PSMG2: variants seen among roughly 807,000 people sequenced by gnomAD.
PSMG2 encodes the protein proteasome assembly chaperone 2.
In PSMG2, 21 loss-of-function variants were observed where a neutral mutation model predicts 31.5. The ratio of observed to expected loss-of-function variants is 0.67; its 90% CI spans 0.47 to 0.96. The LOEUF (loss-of-function observed/expected upper bound fraction) is 0.96, where lower values mean the gene tolerates loss of function less well. PSMG2 is among the 40% of genes least tolerant of loss of function. The probability of loss-of-function intolerance (pLI) is 0.00; values close to 1 mark genes in which losing one functional copy is unlikely to be tolerated. For synonymous variants in PSMG2, 120 were observed against 110.4 expected, an observed-to-expected ratio of 1.09 and a Z score of -0.54; for missense variants, 318 against 321.2, an observed-to-expected ratio of 0.99 and a Z score of 0.08.
At chr18:12,667,281 C>A (rs567849945) in intron 1 of PSMG2, among the ~76,000 whole-genome samples, 4 of 152,018 alleles carry the variant, frequency 2.6e-5, no homozygotes, top group Non-Finnish European at 5.9e-5. Flanking sequence ...TGAGTGAGAC[C>A]TTGTCTCTAC....
At chr18:12,690,806 G>A (rs2039727557) in intron 1 of PSMG2, among the ~76,000 whole-genome samples, 1 of 152,062 alleles carries the variant, frequency 6.6e-6, no homozygotes, top group South Asian at 2.1e-4. Flanking sequence ...AATGGGTTTA[G>A]GACTCAGGAA....
chr18:12,700,910 T>G, upstream of PSMG2: 3 of 1,432,858 alleles, frequency 2.1e-6, no homozygotes, highest in Non-Finnish European at 1.9e-6. Flanking sequence ...TGTTACGCAT[T>G]AGTATATACA....
Position 12,725,506 on chromosome 18 carries a change from G to A in PSMG2, c.770G>A (p.Ser257Asn). Reference sequence around the variant, plus strand: ...AGTTCTTGGAGATTACTCTTTGGCAGTGGTCTTCCCCCTGCACTTTTCTGA... The same window carrying A: ...AGTTCTTGGAGATTACTCTTTGGCAATGGTCTTCCCCCTGCACTTTTCTGA... ...IPSSWRLLFG[S>N]GLPPALF Residue 257 changes from serine (S) to asparagine (N), a missense_variant, in exon 7 of 7, where the codon AGT becomes AAT. Physicochemically the swap from Ser to Asn is conservative, Grantham distance 46. Coordinates refer to ENST00000317615, the MANE Select transcript of PSMG2 (RefSeq NM_020232.5). 6.2e-7 allele frequency: 1 copy of A among 1,602,894 alleles called. No homozygotes were observed. Among genetic ancestry groups the A allele is most frequent in the Middle Eastern group, 1.7e-4 (1 of 6,042 alleles).
Position 12,720,571 on chromosome 18 carries a change from A to G in PSMG2, c.469A>G (p.Ser157Gly). The G allele has an allele frequency of 6.2e-7, 1 of 1,613,240 alleles. No homozygotes were observed. Among genetic ancestry groups the G allele is most frequent in the Non-Finnish European group, 8.5e-7 (1 of 1,179,592 alleles). Residue 157 changes from serine (S) to glycine (G), a missense_variant, in exon 5 of 7, where the codon AGC (serine) becomes GGC (glycine). Transcript: ENST00000317615. ...AAAAAGTGTTCAAAATAAAATAAAG[A>G]GCCTTAACTGGGAAGAAATGGAAAA... ...MQKSVQNKIKSLNWEEMEKSR... is the reference protein window; with the variant it reads ...MQKSVQNKIKGLNWEEMEKSR...
chr18:12,707,202 A>C (rs755513626), intron 2 of PSMG2, among the ~76,000 whole-genome samples: 1 of 152,026 alleles, frequency 6.6e-6, no homozygotes, highest in Non-Finnish European at 1.5e-5. Context: ...TCGTGATCCA[A>C]CCGCCTCAGC....
rs190814826 is a variant in PSMG2, at chr18:12,720,365, A to C, written c.408-145A>C. 23 of 633,234 alleles carry C rather than the reference A, an allele frequency of 3.6e-5. No homozygotes were observed. The Admixed American group carries it at 7.6e-4, about 21-fold the overall frequency. The allele number at this position is 633,234 out of a possible 1,614,324, so 39.2% of individuals were successfully genotyped here. A position where few individuals can be genotyped will look rare whatever the true frequency, so the allele number is the denominator to read the frequency against. On this transcript the variant is annotated intron_variant, in intron 4 of 6. Transcript: ENST00000317615. ...CTCCTAAGTAAGTAAGTAAGTAGCA[A>C]ATCAGAGCAATATTTTTTACTTAAG...
chr18:12,702,734 C>G, upstream of PSMG2: 1 of 630,394 alleles, frequency 1.6e-6, no homozygotes, highest in East Asian at 3.1e-5. Context: ...GAGGCCCCGG[C>G]GGCGGCGGCG....
intron 1 of PSMG2, chr18:12,685,960 A>T: frequency 5.0e-6 from 1 of 201,662 alleles, no homozygotes; most frequent in Non-Finnish European, 1.0e-5. Context: ...TATATAACCT[A>T]AGCACATCCT....
rs1386989474 is a variant in PSMG2, at chr18:12,675,421, T to TA, written c.-37+16654dup. Among the ~76,000 whole-genome samples the TA allele has an allele frequency of 2.0e-5, 3 of 151,736 alleles. No individual in the cohort carries two copies. In the East Asian group the frequency reaches 5.8e-4, roughly 29 times the overall value. On this transcript the variant is annotated intron_variant, in intron 1 of 6. Transcript: ENST00000585331. ...AAAAAAAATAAATAAATAAAATAAA[T>TA]AAAAAAGAGTTTAGTAAGAATGAAT...
chr18:12,702,652 G>T (rs1598674227), upstream of PSMG2: 8 of 1,326,628 alleles, frequency 6.0e-6, no homozygotes, highest in Admixed American at 1.9e-4. Context: ...AGCACAAAGC[G>T]CCGCAGCCGT....
intron 2 of PSMG2, among the ~76,000 whole-genome samples, chr18:12,712,487 G>A (rs2040340925): frequency 6.6e-6 from 1 of 152,138 alleles, no homozygotes; most frequent in Non-Finnish European, 1.5e-5. Flanking sequence ...TAACTTTTCA[G>A]AAATGAATCT....
At chr18:12,660,299 C>CTA (rs2038669205) in intron 1 of PSMG2, among the ~76,000 whole-genome samples, 1 of 149,506 alleles carries the variant, frequency 6.7e-6, no homozygotes, top group African/African-American at 2.5e-5. Flanking sequence ...AGTCATCCCT[C>CTA]TAATCAATGG....
intron 1 of PSMG2, among the ~76,000 whole-genome samples, chr18:12,696,596 ATTC>A (rs1178393050): frequency 1.3e-5 from 2 of 152,160 alleles, no homozygotes; most frequent in Non-Finnish European, 2.9e-5. Context: ...AACCAAAGTA[ATTC>A]CATTATATGT....
chr18:12,698,895 AC>A (rs1375088463), upstream of PSMG2: 5 of 985,360 alleles, frequency 5.1e-6, no homozygotes, highest in Non-Finnish European at 7.5e-6. Flanking sequence ...ATCTCTCCTT[AC>A]AGAAAAAGTC....
At chr18:12,660,607 C>T (rs1476937455) in intron 1 of PSMG2, among the ~76,000 whole-genome samples, 1 of 152,118 alleles carries the variant, frequency 6.6e-6, no homozygotes, top group African/African-American at 2.4e-5. Context: ...AGGTGTGAGC[C>T]ACTGTGCCCG....
chr18:12,700,883 C>T, upstream of PSMG2: 4 of 1,249,380 alleles, frequency 3.2e-6, no homozygotes, highest in Non-Finnish European at 4.5e-6. Flanking sequence ...GGCCCCACAT[C>T]GGAACCTTAT....
chr18:12,707,386 G>A (rs751337953), intron 2 of PSMG2, among the ~76,000 whole-genome samples: 19 of 152,040 alleles, frequency 1.2e-4, no homozygotes, highest in Non-Finnish European at 1.8e-4. Context: ...ATGGAAAGGC[G>A]AAAAGTAGAT....
rs1438754133 is a variant in PSMG2 at position 12,667,776 on chromosome 18, AAG to A, written c.-37+9005_-37+9006del. Among the ~76,000 whole-genome samples the A allele has an allele frequency of 8.7e-5, 13 of 149,884 alleles. No homozygotes were observed. In the East Asian group the frequency reaches 2.3e-3, roughly 27 times the overall value. ...ACTCTTTCTCAAAAAAAAAAAAAAA[AAG>A]AAAAGAAAAGAAAATATAATATTCA... On this transcript the variant is annotated intron_variant, in intron 1 of 6. Transcript: ENST00000585331.
At chr18:12,692,766 T>G (rs1463266327) in intron 1 of PSMG2, among the ~76,000 whole-genome samples, 10 of 152,240 alleles carry the variant, frequency 6.6e-5, no homozygotes, top group Non-Finnish European at 2.9e-5. Context: ...ACATCTCCAG[T>G]GTCTAGAACA....
Sources: gnomAD v4.1 joint callset for allele counts (sites outside exome capture counted in the v4.1 genomes callset) on GRCh38, gnomAD v4.1.1 for gene constraint, MANE v1.5 for transcripts, NCBI Gene and HGNC (gene_info 2026-07-23, HGNC 2026-07-21) for gene names.